SLC24A2: variants seen among roughly 807,000 people sequenced by gnomAD.
SLC24A2 encodes the protein sodium/potassium/calcium exchanger 2.
Under a neutral mutation model 62.0 loss-of-function variants are expected in SLC24A2, and 36 were observed. The observed-to-expected ratio is 0.58, with a 90% CI of 0.44 to 0.77. The LOEUF (loss-of-function observed/expected upper bound fraction) is 0.77. Among genes scored for constraint, SLC24A2 ranks in the 30% least tolerant of loss-of-function variants. The pLI is 0.00. For missense variants in SLC24A2, 846 were observed against 817.9 expected (o/e 1.03, Z -0.42); for synonymous variants, 358 against 294.0 (o/e 1.22, Z -2.23).
the SLC24A2 span, among the ~76,000 whole-genome samples, chr9:20,190,410 T>C: frequency 5.8e-4 from 89 of 152,328 alleles, no homozygotes; most frequent in African/African-American, 2.0e-3. Flanking sequence ...TAATCATCTA[T>C]TGTGTTTTTC....
the SLC24A2 span, among the ~76,000 whole-genome samples, chr9:20,101,579 G>A: frequency 6.6e-6 from 1 of 152,076 alleles, no homozygotes; most frequent in Non-Finnish European, 1.5e-5. Context: ...ATACCTCTTG[G>A]AAGACTAAAC....
intron 4 of SLC24A2, among the ~76,000 whole-genome samples, chr9:19,612,135 A>C (rs1291833298): frequency 1.3e-5 from 2 of 152,218 alleles, no homozygotes; most frequent in Non-Finnish European, 2.9e-5. Flanking sequence ...TGCAAAGCAC[A>C]GTACCTGGTA....
At chr9:20,134,850 A>C in the SLC24A2 span, among the ~76,000 whole-genome samples, 1 of 152,192 alleles carries the variant, frequency 6.6e-6, no homozygotes, top group Non-Finnish European at 1.5e-5. Context: ...TGCTTGCCAA[A>C]GTACAGATAT....
chr9:19,986,862 G>T, the SLC24A2 span, among the ~76,000 whole-genome samples: 1 of 152,136 alleles, frequency 6.6e-6, no homozygotes, highest in African/African-American at 2.4e-5. Flanking sequence ...TTAGATAGAG[G>T]TGGTAGTTGC....
chr9:20,287,272 C>T, the SLC24A2 span, among the ~76,000 whole-genome samples: 1 of 152,168 alleles, frequency 6.6e-6, no homozygotes, highest in African/African-American at 2.4e-5. Flanking sequence ...TAAGGACTAG[C>T]CATTACCTAG....
At chr9:19,904,916 G>A in the SLC24A2 span, among the ~76,000 whole-genome samples, 1 of 152,144 alleles carries the variant, frequency 6.6e-6, no homozygotes, top group African/African-American at 2.4e-5. Context: ...TTACTTAAAG[G>A]AATAAAGACC....
At chr9:19,858,517 A>G in the SLC24A2 span, among the ~76,000 whole-genome samples, 1 of 152,188 alleles carries the variant, frequency 6.6e-6, no homozygotes, top group Admixed American at 6.5e-5. Flanking sequence ...CTAATTAAAG[A>G]GTTTCTTTAC....
chr9:20,079,915 A>T, the SLC24A2 span, among the ~76,000 whole-genome samples: 1 of 152,228 alleles, frequency 6.6e-6, no homozygotes, highest in African/African-American at 2.4e-5. Flanking sequence ...AACACAACTT[A>T]CAAGGGACAT....
At chr9:19,649,317 A>G (rs1338031578) in intron 2 of SLC24A2, among the ~76,000 whole-genome samples, 3 of 152,134 alleles carry the variant, frequency 2.0e-5, no homozygotes, top group Non-Finnish European at 4.4e-5. Flanking sequence ...CAGATAATAT[A>G]TGTTGATCTG....
chr9:19,639,730 T>A (rs1198952329), intron 2 of SLC24A2, among the ~76,000 whole-genome samples: 1 of 152,244 alleles, frequency 6.6e-6, no homozygotes, highest in Non-Finnish European at 1.5e-5. Flanking sequence ...ATAGGGAAAC[T>A]GAGACAGACA....
the SLC24A2 span, among the ~76,000 whole-genome samples, chr9:19,885,806 G>A: frequency 1.3e-5 from 2 of 152,048 alleles, no homozygotes; most frequent in African/African-American, 4.8e-5. Context: ...CTACCCACGT[G>A]TTCTCATTGT....
At chr9:19,533,829 CAAAAAT>C (rs1359783137) in intron 8 of SLC24A2, among the ~76,000 whole-genome samples, 8 of 152,174 alleles carry the variant, frequency 5.3e-5, no homozygotes, top group Non-Finnish European at 1.0e-4. Flanking sequence ...TCAAATCTAA[CAAAAAT>C]CTTCTAACTA....
intron 7 of SLC24A2, among the ~76,000 whole-genome samples, chr9:19,551,473 A>G (rs1834844012): frequency 6.6e-6 from 1 of 152,146 alleles, no homozygotes; most frequent in Admixed American, 6.5e-5. Context: ...CTTCCAAAAC[A>G]GCACTGTAGA....
the SLC24A2 span, among the ~76,000 whole-genome samples, chr9:19,996,657 G>A: frequency 4.7e-5 from 7 of 150,324 alleles, no homozygotes; most frequent in African/African-American, 9.8e-5. Flanking sequence ...GAGGAGAATC[G>A]CTTGAACCTG....
the SLC24A2 span, among the ~76,000 whole-genome samples, chr9:19,856,049 A>T: frequency 4.1e-4 from 63 of 151,918 alleles, 1 homozygote; most frequent in East Asian, 9.9e-3. Flanking sequence ...AAGCTCTGAG[A>T]TTCTTTCCTC....
At chr9:19,907,692 A>C in the SLC24A2 span, among the ~76,000 whole-genome samples, 1 of 152,218 alleles carries the variant, frequency 6.6e-6, no homozygotes, top group Non-Finnish European at 1.5e-5. Context: ...CACCAATAAC[A>C]GACAAACAGA....
chr9:20,192,789 A>C, the SLC24A2 span, among the ~76,000 whole-genome samples: 68 of 152,236 alleles, frequency 4.5e-4, no homozygotes, highest in South Asian at 5.2e-3. Flanking sequence ...TAATTCCAAC[A>C]TGCAGCCAAG....
the SLC24A2 span, among the ~76,000 whole-genome samples, chr9:19,888,566 T>G: frequency 6.6e-6 from 1 of 152,222 alleles, no homozygotes; most frequent in East Asian, 1.9e-4. Context: ...AGTGTTTCAT[T>G]AAATATGCCA....
intron 2 of SLC24A2, among the ~76,000 whole-genome samples, chr9:19,732,552 A>T (rs1269810077): frequency 6.6e-6 from 1 of 152,196 alleles, no homozygotes; most frequent in Non-Finnish European, 1.5e-5. Context: ...TAAATTGTAG[A>T]AAGATTCAAT....
Sources: allele counts gnomAD v4.1 joint callset (sites outside exome capture counted in the v4.1 genomes callset), GRCh38; gene constraint gnomAD v4.1.1; transcripts MANE v1.5; gene names NCBI Gene and HGNC (gene_info 2026-07-23, HGNC 2026-07-21).